Variants in UBE4B observed in about 807,000 individuals in gnomAD.
UBE4B encodes the protein ubiquitin conjugation factor E4 B.
In UBE4B, 27 loss-of-function variants were observed where a neutral mutation model predicts 148.1. That is an observed-to-expected ratio of 0.18 (90% CI 0.13 to 0.25). The LOEUF (loss-of-function observed/expected upper bound fraction) is 0.25, where lower values mean the gene tolerates loss of function less well. Among genes scored for constraint, UBE4B ranks in the 10% least tolerant of loss-of-function variants. The pLI is 1.00. For synonymous variants in UBE4B, 596 were observed against 619.3 expected (o/e 0.96, Z 0.56); for missense variants, 1,170 against 1,662.4 (o/e 0.70, Z 5.15).
Position 10,165,725 on chromosome 1 carries a change from C to T in UBE4B, c.3199-2411C>T, listed in dbSNP as rs191838937. Among the ~76,000 whole-genome samples, 55 of 152,210 alleles carry T rather than the reference C, an allele frequency of 3.6e-4. 1 individual carries two copies. Among genetic ancestry groups the T allele is most frequent in the Non-Finnish European group, 6.3e-4 (43 of 68,010 alleles). ...TGGAATGCTCTTCCCTCAGATTTTC[C>T]GACTCCTTCAGATATACCCTCCCTC... is the stretch of plus-strand genomic sequence containing the variant. On this transcript the variant is annotated intron_variant, in intron 23 of 27. Transcript: ENST00000343090.
At chr1:10,112,124 C>T (rs1039861607) in intron 7 of UBE4B, among the ~76,000 whole-genome samples, 9 of 152,068 alleles carry the variant, frequency 5.9e-5, no homozygotes, top group African/African-American at 2.2e-4. Context: ...ACGTGTAATC[C>T]CTAGGCACAT....
intron 2 of UBE4B, 169 bp downstream of exon 2, chr1:10,072,383 T>A: frequency 2.4e-6 from 2 of 819,498 alleles, no homozygotes; most frequent in Non-Finnish European, 3.9e-6. Flanking sequence ...TTATCGCTTT[T>A]TTTTTTATTG....
At chr1:10,086,154 G>A (rs929245784) in intron 2 of UBE4B, among the ~76,000 whole-genome samples, 1 of 152,024 alleles carries the variant, frequency 6.6e-6, no homozygotes, top group Non-Finnish European at 1.5e-5. Context: ...TGTATTTTTA[G>A]TAGAGATGGG....
intron 1 of UBE4B, among the ~76,000 whole-genome samples, chr1:10,069,630 G>A (rs1425707107): frequency 6.6e-6 from 1 of 152,138 alleles, no homozygotes; most frequent in Non-Finnish European, 1.5e-5. Flanking sequence ...CGCCTCCCAG[G>A]TTCAAGCGAT....
chr1:10,123,607 G>T (rs1435327849), intron 10 of UBE4B, among the ~76,000 whole-genome samples: 11 of 152,036 alleles, frequency 7.2e-5, no homozygotes, highest in Admixed American at 1.3e-4. Flanking sequence ...GGGGTATATT[G>T]AGCCTACTTT....
At chr1:10,033,916 G>C (rs74426354) in intron 1 of UBE4B, among the ~76,000 whole-genome samples, 3,918 of 152,228 alleles carry the variant, frequency 0.026, 164 homozygotes, top group African/African-American at 0.09. Context: ...TTCTTTCCGA[G>C]TGTTCTTTTA....
intron 2 of UBE4B, 149 bp downstream of exon 2, chr1:10,072,363 ATGTGT>A: frequency 1.1e-6 from 1 of 939,810 alleles, no homozygotes; most frequent in South Asian, 1.6e-5. Context: ...TATCATTGCA[ATGTGT>A]TGTGTTATCG....
At position 10,126,803 on chromosome 1, in the gene UBE4B, C is replaced by T. The variant is rs1645506524; in HGVS notation, c.1564C>T (p.Pro522Ser). Residue 522 changes from proline (P) to serine (S), a missense_variant, in exon 11 of 28, where the codon CCC becomes TCC. Pro to Ser is a moderately conservative substitution (Grantham distance 74, BLOSUM62 -1). Coordinates refer to ENST00000343090, the MANE Select transcript of UBE4B (RefSeq NM_001105562.3). Reference sequence around the variant, plus strand: ...GTTTTTTTTCTTATAGATATTTATCCCCATTTTACAAGGCCTGGCTCTTGC... The same window carrying T: ...GTTTTTTTTCTTATAGATATTTATCTCCATTTTACAAGGCCTGGCTCTTGC... ...DEEVFKQIFI[P>S]ILQGLALAAK... 6.2e-7 allele frequency: 1 copy of T among 1,613,168 alleles called. No individual in the cohort carries two copies. The highest frequency in any genetic ancestry group is 8.5e-7 in the Non-Finnish European group (1 of 1,179,556).
chr1:10,171,601 C>T (rs1646340144), intron 25 of UBE4B, among the ~76,000 whole-genome samples: 1 of 152,162 alleles, frequency 6.6e-6, no homozygotes, highest in East Asian at 1.9e-4. Flanking sequence ...GATCCTGTCT[C>T]AAAAACACGG....
chr1:10,156,948 C>T lies in UBE4B; in HGVS notation c.2927-1408C>T, dbSNP rs113445913. Reference sequence around the variant, plus strand: ...CTTTGGAAGGACGATGTAGGAGGATCGCTTGAGGCAGGAATTTGAAACCAG... The same window carrying T: ...CTTTGGAAGGACGATGTAGGAGGATTGCTTGAGGCAGGAATTTGAAACCAG... On this transcript the variant is annotated intron_variant, in intron 21 of 27. Coordinates refer to ENST00000343090, the MANE Select transcript of UBE4B (RefSeq NM_001105562.3). 4.9e-3 allele frequency among the ~76,000 whole-genome samples: 747 copies of T among 151,962 alleles called. 9 individuals are homozygous for T. Among genetic ancestry groups the T allele is most frequent in the African/African-American group, 0.017 (694 of 41,426 alleles).
chr1:10,158,259 C>T, intron 21 of UBE4B, 97 bp from the exon 22 acceptor site: 1 of 1,427,030 alleles, frequency 7.0e-7, no homozygotes, highest in Non-Finnish European at 9.4e-7. Flanking sequence ...TCTGATTTTG[C>T]AGGTTTACAT....
chr1:10,167,805 G>A (rs2102024515), intron 23 of UBE4B, among the ~76,000 whole-genome samples: 1 of 152,076 alleles, frequency 6.6e-6, no homozygotes, highest in South Asian at 2.1e-4. Context: ...GTTGGCCAGG[G>A]TGGTCTCGAT....
chr1:10,091,710 A>C (rs1570868186), intron 2 of UBE4B, among the ~76,000 whole-genome samples: 1 of 151,960 alleles, frequency 6.6e-6, no homozygotes, highest in East Asian at 1.9e-4. Flanking sequence ...GGTTCAAACG[A>C]TTCTTCTGAC....
rs149397015 is a variant in UBE4B, at chr1:10,075,735, C to A, written c.211+3521C>A. On this transcript the variant is annotated intron_variant, in intron 2 of 27. Transcript: ENST00000343090. ...ATAAGTGAAAAAACAAACAGAAAAT[C>A]TCTCTTAAGACAGGTTACATCTATT... Among the ~76,000 whole-genome samples, 87 of 152,262 alleles carry A rather than the reference C, an allele frequency of 5.7e-4. No individual in the cohort carries two copies. In the East Asian group the frequency reaches 0.015, roughly 26 times the overall value.
chr1:10,093,797 C>T lies in UBE4B; in HGVS notation c.212-1664C>T, dbSNP rs181993636. ...GCAACCTCCGCCTCCCAAGTTAATG[C>T]GATTCTCCTGCCTGAACCTCCCAAG... is the stretch of plus-strand genomic sequence containing the variant. On this transcript the variant is annotated intron_variant, in intron 2 of 27. Coordinates refer to ENST00000343090, the MANE Select transcript of UBE4B (RefSeq NM_001105562.3). Among the ~76,000 whole-genome samples, 40 of 151,604 alleles carry T rather than the reference C, an allele frequency of 2.6e-4. No individual in the cohort carries two copies. The East Asian group carries it at 4.9e-3, about 18-fold the overall frequency.
Position 10,179,573 on chromosome 1 carries a change from G to A in UBE4B, c.3847+11G>A. The A allele has an allele frequency of 6.2e-7, 1 of 1,611,992 alleles. No homozygotes were observed. Among genetic ancestry groups the A allele is most frequent in the Non-Finnish European group, 8.5e-7 (1 of 1,180,004 alleles). On this transcript the variant is annotated intron_variant, in intron 27 of 27. Transcript: ENST00000343090. ...GCATGCTGGAACCAGGTAGAGGAGG[G>A]TGCAGTTTGAGGTGCAGCGCTGGCG... is the stretch of plus-strand genomic sequence containing the variant.
At chr1:10,049,892 C>CAAA (rs776583824) in intron 1 of UBE4B, among the ~76,000 whole-genome samples, 1,882 of 85,122 alleles carry the variant, frequency 0.022, 39 homozygotes, top group African/African-American at 0.074. Flanking sequence ...GACCCTGTCT[C>CAAA]AAAAAAAAAA....
chr1:10,126,114 C>G (rs1209529433), intron 10 of UBE4B, among the ~76,000 whole-genome samples: 1 of 152,148 alleles, frequency 6.6e-6, no homozygotes, highest in Non-Finnish European at 1.5e-5. Context: ...GCGTGGCCAA[C>G]AAAGTGAAAC....
rs375593438 is a variant in UBE4B, at chr1:10,043,946, G to T, written c.24+10252G>T. Among the ~76,000 whole-genome samples the T allele has an allele frequency of 5.8e-4, 89 of 152,328 alleles. 1 individual carries two copies. The highest frequency in any genetic ancestry group is 2.0e-3 in the African/African-American group (85 of 41,570). ...GAAAGCAAGTGTTACTTTGTATACA[G>T]AGAGGAATGGAAACAGGAGGTGGGG... is the stretch of plus-strand genomic sequence containing the variant. On this transcript the variant is annotated intron_variant, in intron 1 of 27. Transcript: ENST00000343090.
Sources: allele counts gnomAD v4.1 joint callset (sites outside exome capture counted in the v4.1 genomes callset), GRCh38; gene constraint gnomAD v4.1.1; transcripts MANE v1.5; gene names NCBI Gene and HGNC (gene_info 2026-07-23, HGNC 2026-07-21).